The following KLF9 variants were observed in gnomAD, a reference collection of about 807,000 sequenced individuals.
KLF9 encodes KLF transcription factor 9.
A neutral mutation model predicts 17.3 loss-of-function variants in KLF9; 2 were observed. That is an observed-to-expected ratio of 0.12 (90% CI 0.05 to 0.36). KLF9 has a LOEUF of 0.36. Among genes scored for constraint, KLF9 ranks in the 10% least tolerant of loss-of-function variants. KLF9 has a pLI of 1.00. For synonymous variants in KLF9, 138 were observed against 139.2 expected, an observed-to-expected ratio of 0.99 and a Z score of 0.06; for missense variants, 226 against 333.2, an observed-to-expected ratio of 0.68 and a Z score of 2.51.
rs2037343749 is a variant in KLF9, at chr9:70,413,427, C to CGCCCT, written c.-69_-65dup. ...TGGCGGTGGCTGCGGAGGTTCGGCT[C>CGCCCT]GCCCTGCCCTGGCCTCGGACGACGA... is the stretch of plus-strand genomic sequence containing the variant. On this transcript the variant is annotated 5_prime_UTR_variant, in exon 1 of 2. Transcript: ENST00000377126. The surrounding 1 kb of genome is among the most constrained non-coding windows in gnomAD (Gnocchi z 5.6). The CGCCCT allele has an allele frequency of 9.9e-6, 14 of 1,408,610 alleles. No homozygotes were observed. The South Asian group carries it at 2.2e-4, about 22-fold the overall frequency. The allele number at this position is 1,408,610 out of a possible 1,614,324, so 87.3% of individuals were successfully genotyped here. A position where few individuals can be genotyped will look rare whatever the true frequency, so the allele number is the denominator to read the frequency against.
Position 70,413,241 on chromosome 9 carries a change from G to C in KLF9, c.123C>G (p.Arg41=), listed in dbSNP as rs776597401. 3.1e-6 allele frequency: 5 copies of C among 1,613,894 alleles called. No individual in the cohort carries two copies. The South Asian group carries it at 4.4e-5, about 14-fold the overall frequency. The change falls in exon 1 of 2, where the codon CGC becomes CGG. Residue 41 remains arginine (R), a synonymous_variant. Coordinates refer to ENST00000377126, the MANE Select transcript of KLF9 (RefSeq NM_001206.4). The surrounding 1 kb of genome is among the most constrained non-coding windows in gnomAD (Gnocchi z 5.6). ...GGTCACCGTGCTCCTTGGTCACCTC[G>C]CGCTCAGGTAGTCGCAGCCGCTCGG... is the stretch of plus-strand genomic sequence containing the variant. ...PDAERLRLPE[R]EVTKEHGDPG...
chr9:70,413,560 G>A lies in KLF9; in HGVS notation c.-197C>T. ...CTCAGCCCCTCATCTTTACGTAACC[G>A]GCAGCGCCTCCGCACGCAGCATCCA... On this transcript the variant is annotated 5_prime_UTR_variant, in exon 1 of 2. Transcript: ENST00000377126. The surrounding 1 kb of genome is among the most constrained non-coding windows in gnomAD (Gnocchi z 5.6). The A allele has an allele frequency of 2.6e-6, 1 of 378,800 alleles. No homozygotes were observed. The highest frequency in any genetic ancestry group is 4.2e-6 in the Non-Finnish European group (1 of 240,000). 23.5% of individuals were successfully genotyped at this position (378,800 alleles called of 1,614,324 possible). A position where few individuals can be genotyped will look rare whatever the true frequency, so the allele number is the denominator to read the frequency against.
rs1023632283 is a variant in KLF9 at position 70,412,967 on chromosome 9, C to G, written c.397G>C (p.Ala133Pro). The G allele has an allele frequency of 6.2e-7, 1 of 1,614,068 alleles. No homozygotes were observed. The highest frequency in any genetic ancestry group is 8.5e-7 in the Non-Finnish European group (1 of 1,180,046). ...PLSLLHPGVAAKGKHASEKRH... is the reference protein window; with the variant it reads ...PLSLLHPGVAPKGKHASEKRH... ...TTTTCGGAGGCGTGTTTCCCCTTCG[C>G]AGCCACTCCAGGATGGAGGAGGGAG... The change falls in exon 1 of 2, where the codon GCG (alanine) becomes CCG (proline). Residue 133 changes from alanine to proline, a missense_variant. Ala to Pro is a conservative substitution (Grantham distance 27, BLOSUM62 -1). Coordinates refer to ENST00000377126, the MANE Select transcript of KLF9 (RefSeq NM_001206.4).
intron 1 of KLF9, among the ~76,000 whole-genome samples, chr9:70,397,650 G>A (rs1246363946): frequency 6.6e-6 from 1 of 152,138 alleles, no homozygotes; most frequent in South Asian, 2.1e-4. Flanking sequence ...GTAACAGTAG[G>A]GTTGCCCAAC....
At chr9:70,388,530 G>A (rs752678890) in intron 1 of KLF9, among the ~76,000 whole-genome samples, 1 of 152,172 alleles carries the variant, frequency 6.6e-6, no homozygotes, top group Non-Finnish European at 1.5e-5. Flanking sequence ...AAATGAGCTT[G>A]CCATTTGGTA....
chr9:70,413,427 C>A lies in KLF9; in HGVS notation c.-64G>T. Reference sequence around the variant, plus strand: ...TGGCGGTGGCTGCGGAGGTTCGGCTCGCCCTGCCCTGGCCTCGGACGACGA... The same window carrying A: ...TGGCGGTGGCTGCGGAGGTTCGGCTAGCCCTGCCCTGGCCTCGGACGACGA... On this transcript the variant is annotated 5_prime_UTR_variant, in exon 1 of 2. Coordinates refer to ENST00000377126, the MANE Select transcript of KLF9 (RefSeq NM_001206.4). The surrounding 1 kb of genome is among the most constrained non-coding windows in gnomAD (Gnocchi z 5.6). 2.1e-6 allele frequency: 3 copies of A among 1,408,610 alleles called. No homozygotes were observed. Among genetic ancestry groups the A allele is most frequent in the Admixed American group, 3.1e-5 (1 of 31,820 alleles). 87.3% of individuals were successfully genotyped at this position (1,408,610 alleles called of 1,614,324 possible). A position where few individuals can be genotyped will look rare whatever the true frequency, so the allele number is the denominator to read the frequency against.
chr9:70,406,589 G>A (rs1388411079), intron 1 of KLF9, among the ~76,000 whole-genome samples: 1 of 152,142 alleles, frequency 6.6e-6, no homozygotes, highest in Non-Finnish European at 1.5e-5. Context: ...AAGAGAGCCA[G>A]GATTGCTCAA....
At chr9:70,389,077 G>T (rs905285589) in intron 1 of KLF9, among the ~76,000 whole-genome samples, 8 of 151,858 alleles carry the variant, frequency 5.3e-5, no homozygotes. Context: ...GGAAGCGAAG[G>T]TTGCAGTGAG....
chr9:70,387,748 T>C lies in KLF9; in HGVS notation c.*28A>G, dbSNP rs749888762. The C allele has an allele frequency of 6.9e-6, 11 of 1,602,618 alleles. No individual in the cohort carries two copies. Among genetic ancestry groups the C allele is most frequent in the Non-Finnish European group, 8.5e-6 (10 of 1,170,182 alleles). ...AGTACTTTTCTCCTTTCGGGGTCCATCCCTCCCTGGCTTCCACGGGCAGCA... is the reference window on the plus strand; with the variant it reads ...AGTACTTTTCTCCTTTCGGGGTCCACCCCTCCCTGGCTTCCACGGGCAGCA... On this transcript the variant is annotated 3_prime_UTR_variant, in exon 2 of 2. Transcript: ENST00000377126.
chr9:70,395,578 G>A (rs187625284), intron 1 of KLF9, among the ~76,000 whole-genome samples: 2 of 152,260 alleles, frequency 1.3e-5, no homozygotes, highest in African/African-American at 4.8e-5. Flanking sequence ...AACACAGAAA[G>A]GACTTGCAAA....
intron 1 of KLF9, among the ~76,000 whole-genome samples, chr9:70,395,961 A>C (rs1343695514): frequency 2.6e-5 from 4 of 152,188 alleles, no homozygotes; most frequent in African/African-American, 9.6e-5. Flanking sequence ...TAAATACATA[A>C]ATAAAATACT....
rs2037102648 is a variant in KLF9 at position 70,385,365 on chromosome 9, C to T, written c.*2411G>A. ...GAGTTTATACGTTACATTACTATAA[C>T]ATATAAGAGAATATCAAATGTGTGT... On this transcript the variant is annotated 3_prime_UTR_variant, in exon 2 of 2. Transcript: ENST00000377126. 1 of 152,580 alleles carries T rather than the reference C, an allele frequency of 6.6e-6. No homozygotes were observed. Among genetic ancestry groups the T allele is most frequent in the African/African-American group, 2.4e-5 (1 of 41,432 alleles). 9.5% of individuals were successfully genotyped at this position (152,580 alleles called of 1,614,324 possible).
rs560939681 is a variant in KLF9 at position 70,385,694 on chromosome 9, T to C, written c.*2082A>G. ...ACCATTCCATGAGCTCAGTGAGAAA[T>C]AGGCAGCCTAACCTATTTCGTATGG... On this transcript the variant is annotated 3_prime_UTR_variant, in exon 2 of 2. Coordinates refer to ENST00000377126, the MANE Select transcript of KLF9 (RefSeq NM_001206.4). 5.9e-5 allele frequency: 9 copies of C among 152,736 alleles called. No homozygotes were observed. The East Asian group carries it at 1.5e-3, about 26-fold the overall frequency. 9.5% of individuals were successfully genotyped at this position (152,736 alleles called of 1,614,324 possible).
intron 1 of KLF9, among the ~76,000 whole-genome samples, chr9:70,407,461 T>A (rs183606136): frequency 6.6e-6 from 1 of 152,312 alleles, no homozygotes; most frequent in East Asian, 1.9e-4. Flanking sequence ...GCACAGAAGA[T>A]GTGAGAGGAA....
intron 1 of KLF9, among the ~76,000 whole-genome samples, chr9:70,404,092 C>T (rs2118921466): frequency 6.6e-6 from 1 of 152,268 alleles, no homozygotes; most frequent in South Asian, 2.1e-4. Flanking sequence ...CAGTCTGATT[C>T]CTCCTATTAA....
rs770001036 is a variant in KLF9 at position 70,387,795 on chromosome 9, G to T, written c.716C>A (p.Ala239Glu). 1.9e-6 allele frequency: 3 copies of T among 1,613,800 alleles called. No individual in the cohort carries two copies. Among genetic ancestry groups the T allele is most frequent in the Non-Finnish European group, 2.5e-6 (3 of 1,179,994 alleles). ...AGCACCTCACAAAGCGTTGGCCAGC[G>T]CCTTTTTCGATCGCTTGATCATGCT... ...HPSMIKRSKK[A>E]LANAL The change falls in exon 2 of 2, where the codon GCG (alanine) becomes GAG (glutamate). Residue 239 changes from alanine (A) to glutamate (E), a missense_variant. Coordinates refer to ENST00000377126, the MANE Select transcript of KLF9 (RefSeq NM_001206.4).
chr9:70,400,560 A>T (rs764412170), intron 1 of KLF9, among the ~76,000 whole-genome samples: 2 of 152,216 alleles, frequency 1.3e-5, no homozygotes, highest in East Asian at 3.8e-4. Context: ...TGAAATGCCA[A>T]GAAAAAGATT....
intron 1 of KLF9, among the ~76,000 whole-genome samples, chr9:70,408,019 T>C (rs2037268816): frequency 1.3e-5 from 2 of 152,304 alleles, no homozygotes; most frequent in Admixed American, 6.5e-5. Context: ...TTACAACGAT[T>C]TGTCGCCTTC....
chr9:70,411,856 G>A (rs993307336), intron 1 of KLF9, among the ~76,000 whole-genome samples: 1 of 152,066 alleles, frequency 6.6e-6, no homozygotes, highest in Non-Finnish European at 1.5e-5. Context: ...TCTGAATGGC[G>A]CTTGTAAAAG....
Sources: allele counts gnomAD v4.1 joint callset (sites outside exome capture counted in the v4.1 genomes callset), GRCh38; gene constraint gnomAD v4.1.1; non-coding constraint Gnocchi (gnomAD v3.1); transcripts MANE v1.5; gene names NCBI Gene and HGNC (gene_info 2026-07-23, HGNC 2026-07-21).